The following OTUD7A variants were observed in gnomAD, a reference collection of about 807,000 sequenced individuals.
The protein encoded by OTUD7A is OTU domain-containing protein 7A.
A neutral mutation model predicts 65.7 loss-of-function variants in OTUD7A; 12 were observed. That is an observed-to-expected ratio of 0.18 (90% CI 0.12 to 0.30). OTUD7A has a LOEUF of 0.30. Ranked by LOEUF, OTUD7A falls within the 10% of genes least tolerant of loss-of-function variation. The pLI is 1.00. For synonymous variants in OTUD7A, 641 were observed against 586.3 expected (o/e 1.09, Z -1.35); for missense variants, 1,148 against 1,304.8 (o/e 0.88, Z 1.85).
chr15:31,486,367 G>C (rs2041236835), intron 12 of OTUD7A, among the ~76,000 whole-genome samples: 2 of 152,188 alleles, frequency 1.3e-5, no homozygotes, highest in South Asian at 4.1e-4. Context: ...CGTACAGGCA[G>C]AGGCTGGAGT....
At chr15:31,836,010 T>A (rs1259550198) in intron 1 of OTUD7A, among the ~76,000 whole-genome samples, 1 of 152,094 alleles carries the variant, frequency 6.6e-6, no homozygotes, top group East Asian at 1.9e-4. Flanking sequence ...TCAAAAAGTT[T>A]TGGATTTTGG....
intron 3 of OTUD7A, among the ~76,000 whole-genome samples, chr15:31,628,206 T>C (rs1475154810): frequency 1.3e-5 from 2 of 152,218 alleles, no homozygotes; most frequent in Non-Finnish European, 2.9e-5. Context: ...GGTTTTCTTC[T>C]AGGGTTTTTA....
intron 10 of OTUD7A, among the ~76,000 whole-genome samples, chr15:31,500,026 G>A (rs941182440): frequency 6.6e-6 from 1 of 152,222 alleles, no homozygotes; most frequent in Non-Finnish European, 1.5e-5. Flanking sequence ...GCGAGGAGGG[G>A]GTCGGGTATC....
chr15:31,807,812 C>CA (rs869252848), intron 1 of OTUD7A, among the ~76,000 whole-genome samples: 3 of 152,062 alleles, frequency 2.0e-5, no homozygotes, highest in Non-Finnish European at 4.4e-5. Flanking sequence ...CCCAACCCCC[C>CA]AAAAAAACCC....
intron 3 of OTUD7A, among the ~76,000 whole-genome samples, chr15:31,606,258 A>C (rs1197931798): frequency 6.6e-6 from 1 of 152,200 alleles, no homozygotes; most frequent in Non-Finnish European, 1.5e-5. Flanking sequence ...TTCATGTGCA[A>C]AGCTCTGGCA....
chr15:31,520,277 T>C (rs1438686666), intron 8 of OTUD7A, among the ~76,000 whole-genome samples: 1 of 152,212 alleles, frequency 6.6e-6, no homozygotes, highest in African/African-American at 2.4e-5. Flanking sequence ...ATGGTATTGG[T>C]ACAAAAACAG....
chr15:31,779,357 A>G (rs979836660), intron 1 of OTUD7A, among the ~76,000 whole-genome samples: 1 of 152,242 alleles, frequency 6.6e-6, no homozygotes, highest in Non-Finnish European at 1.5e-5. Flanking sequence ...TTTCACTGGA[A>G]GGCATCCAGG....
chr15:31,583,535 CAT>C (rs1889436731), intron 3 of OTUD7A, among the ~76,000 whole-genome samples: 1 of 151,912 alleles, frequency 6.6e-6, no homozygotes, highest in Non-Finnish European at 1.5e-5. Context: ...TGGTTTCCCC[CAT>C]ACTGTTCTCA....
At position 31,487,634 on chromosome 15, in the gene OTUD7A, C is replaced by T. The variant is rs563382281; in HGVS notation, c.1172-68G>A. The T allele has an allele frequency of 3.5e-5, 47 of 1,340,410 alleles. No individual in the cohort carries two copies. The highest frequency in any genetic ancestry group is 2.7e-4 in the South Asian group (21 of 76,678). The allele number at this position is 1,340,410 out of a possible 1,614,324, so 83.0% of individuals were successfully genotyped here. A position where few individuals can be genotyped will look rare whatever the true frequency, so the allele number is the denominator to read the frequency against. ...CCCCAGGCAGGATGGCAAGGAAATT[C>T]CCAAGCCAGGTATCTGGGTGACAAA... On this transcript the variant is annotated intron_variant, in intron 10 of 12. Coordinates refer to ENST00000307050, the MANE Select transcript of OTUD7A (RefSeq NM_001382637.1). This position sits in a 1 kb window ranked among gnomAD's most constrained non-coding sequence, Gnocchi z 6.0.
At chr15:31,787,346 T>C (rs1179382989) in intron 1 of OTUD7A, 4 of 152,176 alleles carry the variant, frequency 2.6e-5, no homozygotes, top group African/African-American at 9.7e-5. Flanking sequence ...TAATACGAAT[T>C]ATAAATTTTC....
Position 31,559,047 on chromosome 15 carries a change from C to T in OTUD7A, c.472G>A (p.Val158Met), listed in dbSNP as rs144509293. 4.3e-4 allele frequency: 697 copies of T among 1,614,216 alleles called. 1 individual carries two copies. The highest frequency in any genetic ancestry group is 4.0e-3 in the Middle Eastern group (24 of 6,062). ...IYTFQLPDLS[V>M]YSEDFRSFIE... ...AAGCTCCTGAAATCCTCGCTGTACA[C>T]GCTCAGGTCTGGCAACTGGAATGTG... is the stretch of plus-strand genomic sequence containing the variant. Residue 158 changes from valine to methionine, a missense_variant, in exon 5 of 13, where the codon GTG becomes ATG. Around this residue, in one of 6 missense-constraint regions of OTUD7A, gnomAD observed 134 missense variants for 252.6 expected, o/e 0.53. Coordinates refer to ENST00000307050, the MANE Select transcript of OTUD7A (RefSeq NM_001382637.1).
intron 3 of OTUD7A, among the ~76,000 whole-genome samples, chr15:31,589,179 C>T (rs1268445648): frequency 6.6e-6 from 1 of 152,172 alleles, no homozygotes; most frequent in African/African-American, 2.4e-5. Flanking sequence ...ATTACATCTA[C>T]ACACACGTGT....
rs1320477471 is a variant in OTUD7A at position 31,514,047 on chromosome 15, TTCTTTCTTTC to T, written c.894-10239_894-10230del. ...TCATTTCTTTTTTTCTTTTCTTTCT[TTCTTTCTTTC>T]TTTTTTTTTTTTTTGAGACAGGGTC... On this transcript the variant is annotated intron_variant, in intron 8 of 12. Coordinates refer to ENST00000307050, the MANE Select transcript of OTUD7A (RefSeq NM_001382637.1). 5.7e-3 allele frequency among the ~76,000 whole-genome samples: 396 copies of T among 69,936 alleles called. 4 individuals carry two copies. The highest frequency in any genetic ancestry group is 0.048 in the East Asian group (91 of 1,890). 45.9% of individuals were successfully genotyped at this position (69,936 alleles called of 152,430 possible). A position where few individuals can be genotyped will look rare whatever the true frequency, so the allele number is the denominator to read the frequency against.
chr15:31,615,851 G>A (rs903478196), intron 3 of OTUD7A, among the ~76,000 whole-genome samples: 7 of 152,204 alleles, frequency 4.6e-5, no homozygotes, highest in African/African-American at 1.2e-4. Flanking sequence ...GGCTTCAACC[G>A]CGGTCTGAGT....
intron 1 of OTUD7A, among the ~76,000 whole-genome samples, chr15:31,860,698 T>G (rs1305292404): frequency 1.6e-4 from 21 of 130,780 alleles, no homozygotes; most frequent in Middle Eastern, 3.7e-3. Flanking sequence ...TATATATATA[T>G]ATGTATGTAT....
chr15:31,701,529 C>T (rs1193518685), intron 1 of OTUD7A, among the ~76,000 whole-genome samples: 1 of 151,870 alleles, frequency 6.6e-6, no homozygotes, highest in African/African-American at 2.4e-5. Flanking sequence ...ATGAACAATT[C>T]TACATATATA....
intron 1 of OTUD7A, among the ~76,000 whole-genome samples, chr15:31,779,315 C>T (rs555175334): frequency 6.6e-6 from 1 of 152,316 alleles, no homozygotes; most frequent in African/African-American, 2.4e-5. Context: ...GGCACTAATG[C>T]AATCTGAAAA....
chr15:31,629,009 T>A (rs1018066325), intron 3 of OTUD7A, among the ~76,000 whole-genome samples: 9 of 152,142 alleles, frequency 5.9e-5, no homozygotes, highest in African/African-American at 9.7e-5. Context: ...CAATGGGGTT[T>A]TCTAGATATA....
intron 1 of OTUD7A, among the ~76,000 whole-genome samples, chr15:31,753,719 TATTATATATATA>T (rs1894723299): frequency 2.0e-5 from 2 of 100,502 alleles, no homozygotes; most frequent in Non-Finnish European, 4.5e-5. Flanking sequence ...TATATATATA[TATTATATATATA>T]TATATATATC....
Sources: allele counts gnomAD v4.1 joint callset (sites outside exome capture counted in the v4.1 genomes callset), GRCh38; gene constraint gnomAD v4.1.1; regional missense constraint gnomAD v4.1.1; non-coding constraint Gnocchi (gnomAD v3.1); transcripts MANE v1.5; gene names NCBI Gene and HGNC (gene_info 2026-07-23, HGNC 2026-07-21).